MTUS2: variants seen among roughly 807,000 people sequenced by gnomAD.
MTUS2 encodes microtubule associated scaffold protein 2, also known as microtubule-associated tumor suppressor candidate 2.
In MTUS2, 40 loss-of-function variants were observed where a neutral mutation model predicts 114.1. The ratio of observed to expected loss-of-function variants is 0.35; its 90% confidence interval spans 0.27 to 0.46. The LOEUF (loss-of-function observed/expected upper bound fraction) is 0.46, where lower values mean the gene tolerates loss of function less well. Ranked by LOEUF, MTUS2 falls within the 20% of genes least tolerant of loss-of-function variation. The pLI is 1.00. For missense variants in MTUS2, 1,679 were observed against 1,705.4 expected (o/e 0.98, Z 0.27); for synonymous variants, 688 against 672.0 (o/e 1.02, Z -0.37).
chr13:29,178,723 A>G (rs1219279891), intron 5 of MTUS2, among the ~76,000 whole-genome samples: 1 of 152,148 alleles, frequency 6.6e-6, no homozygotes, highest in East Asian at 1.9e-4. Context: ...TGTATTTAAG[A>G]CATTCTAATT....
chr13:29,389,393 G>GTATGTA (rs1566172787), intron 8 of MTUS2, among the ~76,000 whole-genome samples: 31 of 79,340 alleles, frequency 3.9e-4, no homozygotes, highest in South Asian at 1.7e-3. Flanking sequence ...ATACACGTGT[G>GTATGTA]TGTATATATG....
chr13:29,421,442 A>T (rs1426543755), intron 8 of MTUS2, among the ~76,000 whole-genome samples: 1 of 152,222 alleles, frequency 6.6e-6, no homozygotes, highest in Non-Finnish European at 1.5e-5. Context: ...TGAGACTGCG[A>T]TACAATTTTT....
At position 29,024,989 on chromosome 13, in the gene MTUS2, T is replaced by C. The variant is rs763263072; in HGVS notation, c.291T>C (p.Asp97=). Residue 97 remains aspartate, a synonymous_variant, in exon 3 of 16, where the codon GAT becomes GAC. Transcript: ENST00000612955. ...GSQAGSASLK[D]FRLSSTIQRE... ...AGGCTGGCTCTGCCAGCCTGAAAGATTTTAGACTTTCTTCAACCATTCAGA... is the reference window on the plus strand; with the variant it reads ...AGGCTGGCTCTGCCAGCCTGAAAGACTTTAGACTTTCTTCAACCATTCAGA... The C allele has an allele frequency of 1.9e-6, 3 of 1,613,340 alleles. No individual in the cohort carries two copies. The highest frequency in any genetic ancestry group is 2.2e-5 in the South Asian group (2 of 90,946).
chr13:29,106,534 T>A (rs1890675931), intron 5 of MTUS2, among the ~76,000 whole-genome samples: 1 of 152,140 alleles, frequency 6.6e-6, no homozygotes, highest in Non-Finnish European at 1.5e-5. Flanking sequence ...AGTTTTTGTA[T>A]TTTTAGTAGA....
chr13:29,240,834 A>AC (rs1027438889), intron 5 of MTUS2, among the ~76,000 whole-genome samples: 6 of 152,010 alleles, frequency 3.9e-5, no homozygotes, highest in African/African-American at 1.4e-4. Flanking sequence ...TCTCAAATCT[A>AC]CCCCTTTATT....
At chr13:29,466,647 CA>C (rs1439668432) in intron 9 of MTUS2, among the ~76,000 whole-genome samples, 2 of 152,020 alleles carry the variant, frequency 1.3e-5, no homozygotes, top group Non-Finnish European at 2.9e-5. Context: ...GAGGCTGAGG[CA>C]AGTGGATCAC....
rs1356512265 is a variant in MTUS2 at position 29,100,826 on chromosome 13, T to C, written c.2500T>C (p.Ser834Pro). The change falls in exon 5 of 16, where the codon TCT becomes CCT. Residue 834 changes from serine (S) to proline (P), a missense_variant. Ser to Pro is a moderately conservative substitution (Grantham distance 74). Coordinates refer to ENST00000612955, the MANE Select transcript of MTUS2 (RefSeq NM_001033602.4). ...TGCTGCAAAATCCAATCTCCCGAAA[T>C]CTGGTCTCCGTCCTCCCGGATACTC... ...SNAAKSNLPK[S>P]GLRPPGYSRL... The C allele has an allele frequency of 2.1e-5, 33 of 1,551,588 alleles. No homozygotes were observed. Among genetic ancestry groups the C allele is most frequent in the Non-Finnish European group, 2.9e-5 (33 of 1,147,024 alleles).
intron 1 of MTUS2, among the ~76,000 whole-genome samples, chr13:28,836,228 A>G (rs1260998833): frequency 6.6e-6 from 1 of 152,212 alleles, no homozygotes; most frequent in African/African-American, 2.4e-5. Flanking sequence ...AATCCTCAAA[A>G]TAAAGTATTT....
intron 6 of MTUS2, among the ~76,000 whole-genome samples, chr13:29,295,160 T>C (rs182176040): frequency 6.6e-6 from 1 of 152,222 alleles, no homozygotes; most frequent in African/African-American, 2.4e-5. Context: ...ATTCACACAA[T>C]TGTATGTATG....
At chr13:28,824,528 A>G (rs1435513321) in intron 1 of MTUS2, among the ~76,000 whole-genome samples, 2 of 152,044 alleles carry the variant, frequency 1.3e-5, no homozygotes, top group Non-Finnish European at 2.9e-5. Context: ...TCTCCTCCCT[A>G]CTTCCTTATT....
chr13:29,404,390 G>A (rs951279766), intron 8 of MTUS2, among the ~76,000 whole-genome samples: 9 of 152,054 alleles, frequency 5.9e-5, no homozygotes, highest in African/African-American at 1.7e-4. Flanking sequence ...GCATGGTGGC[G>A]GGTGCCTGTA....
chr13:29,410,912 G>T (rs926397311), intron 8 of MTUS2, among the ~76,000 whole-genome samples: 2 of 151,990 alleles, frequency 1.3e-5, no homozygotes, highest in Non-Finnish European at 2.9e-5. Context: ...GCTCACTGCA[G>T]CCTCTGCCTC....
At chr13:29,457,313 C>T (rs1879189938) in intron 9 of MTUS2, among the ~76,000 whole-genome samples, 1 of 152,034 alleles carries the variant, frequency 6.6e-6, no homozygotes, top group Non-Finnish European at 1.5e-5. Flanking sequence ...CCAGCCAAGC[C>T]CCCCTTCTTC....
chr13:29,331,113 G>A (rs562672985), intron 7 of MTUS2, among the ~76,000 whole-genome samples: 1 of 152,192 alleles, frequency 6.6e-6, no homozygotes, highest in East Asian at 1.9e-4. Flanking sequence ...TTATTTCATT[G>A]GGCAGTGGTT....
At chr13:28,994,884 G>C (rs1180165205) in intron 2 of MTUS2, among the ~76,000 whole-genome samples, 1 of 152,096 alleles carries the variant, frequency 6.6e-6, no homozygotes, top group East Asian at 1.9e-4. Context: ...TTCTTTTGCT[G>C]TGCAGAAGCT....
intron 6 of MTUS2, among the ~76,000 whole-genome samples, chr13:29,323,206 C>A (rs1472281730): frequency 6.6e-6 from 1 of 151,334 alleles, no homozygotes; most frequent in Non-Finnish European, 1.5e-5. Flanking sequence ...ATCCATAAGA[C>A]GATGGTGAAC....
chr13:29,429,791 G>A (rs1876852806), intron 8 of MTUS2, among the ~76,000 whole-genome samples: 1 of 152,166 alleles, frequency 6.6e-6, no homozygotes, highest in Non-Finnish European at 1.5e-5. Context: ...TATCTAGATA[G>A]CTTGAGGTAT....
chr13:29,156,306 A>G (rs1307405831), intron 5 of MTUS2, among the ~76,000 whole-genome samples: 1 of 152,180 alleles, frequency 6.6e-6, no homozygotes, highest in African/African-American at 2.4e-5. Flanking sequence ...TCAGAAGTTC[A>G]TGGGTGTCAG....
chr13:29,387,673 A>T (rs901479325), intron 8 of MTUS2, among the ~76,000 whole-genome samples: 1 of 152,124 alleles, frequency 6.6e-6, no homozygotes, highest in Non-Finnish European at 1.5e-5. Context: ...GAGGCGGGTG[A>T]CGTTAGGAGA....
Sources: gnomAD v4.1 joint callset for allele counts (sites outside exome capture counted in the v4.1 genomes callset) on GRCh38, gnomAD v4.1.1 for gene constraint, MANE v1.5 for transcripts, NCBI Gene and HGNC (gene_info 2026-07-23, HGNC 2026-07-21) for gene names.